BRD10: variants seen among roughly 807,000 people sequenced by gnomAD.
BRD10 encodes uncharacterized bromodomain-containing protein 10.
chr9:5,883,154 A>AT, the BRD10 span, among the ~76,000 whole-genome samples: 3 of 82,964 alleles, frequency 3.6e-5, no homozygotes, highest in African/African-American at 1.1e-4. Flanking sequence ...AACTTAAAGT[A>AT]TAAAAAAAAA....
the BRD10 span, among the ~76,000 whole-genome samples, chr9:5,974,611 G>C: frequency 2.6e-5 from 4 of 152,192 alleles, no homozygotes; most frequent in African/African-American, 9.6e-5. Flanking sequence ...AAGGAGCCAA[G>C]AGTCCAGAGA....
chr9:5,991,040 A>C, the BRD10 span, among the ~76,000 whole-genome samples: 1 of 152,212 alleles, frequency 6.6e-6, no homozygotes, highest in Non-Finnish European at 1.5e-5. Context: ...CATTAAAACG[A>C]ATCAAGTATA....
At chr9:5,920,488 T>C in the BRD10 span, 3 of 1,613,922 alleles carry the variant, frequency 1.9e-6, no homozygotes, top group Non-Finnish European at 2.5e-6. Flanking sequence ...TGGGGGTTTT[T>C]ACTAAAGCTT....
chr9:5,977,000 A>G, the BRD10 span, among the ~76,000 whole-genome samples: 1 of 152,240 alleles, frequency 6.6e-6, no homozygotes, highest in Admixed American at 6.5e-5. Context: ...GGCCAATATA[A>G]AGATTGGTGA....
the BRD10 span, among the ~76,000 whole-genome samples, chr9:5,983,551 A>G: frequency 6.6e-6 from 1 of 152,176 alleles, no homozygotes; most frequent in Non-Finnish European, 1.5e-5. Context: ...AATGAGAGAA[A>G]TGAAGATATA....
chr9:5,947,424 C>T, the BRD10 span, among the ~76,000 whole-genome samples: 1 of 152,026 alleles, frequency 6.6e-6, no homozygotes, highest in East Asian at 1.9e-4. Context: ...TATGAAAATA[C>T]AAGATTAATT....
At chr9:5,922,521 T>C in the BRD10 span, 1 of 1,614,010 alleles carries the variant, frequency 6.2e-7, no homozygotes, top group African/African-American at 1.3e-5. Context: ...GTAGAAACAG[T>C]TCCTGGTGAG....
At chr9:5,967,950 T>TTATGCATCATG in the BRD10 span, 1 of 938,574 alleles carries the variant, frequency 1.1e-6, no homozygotes, top group Non-Finnish European at 1.6e-6. Context: ...AAAGCATCCA[T>TTATGCATCATG]GATGCATAAT....
the BRD10 span, among the ~76,000 whole-genome samples, chr9:6,000,433 TC>T: frequency 4.6e-5 from 7 of 152,180 alleles, no homozygotes; most frequent in Admixed American, 4.6e-4. Flanking sequence ...AGCCTAAAGA[TC>T]ATCTGAAAGC....
chr9:5,896,256 A>C, the BRD10 span, among the ~76,000 whole-genome samples: 82 of 152,332 alleles, frequency 5.4e-4, no homozygotes, highest in African/African-American at 1.9e-3. Context: ...ATAAAAGCAT[A>C]TATGTGGGGG....
the BRD10 span, chr9:5,920,918 G>A: frequency 3.7e-6 from 6 of 1,613,974 alleles, no homozygotes; most frequent in South Asian, 1.1e-5. Flanking sequence ...TGACAAAATA[G>A]GCATAATTCT....
At chr9:5,982,452 T>C in the BRD10 span, among the ~76,000 whole-genome samples, 6 of 152,188 alleles carry the variant, frequency 3.9e-5, no homozygotes, top group South Asian at 2.1e-4. Context: ...CAAGAGGTTA[T>C]TGGGTCATGA....
At chr9:5,988,492 A>C in the BRD10 span, 1 of 1,613,964 alleles carries the variant, frequency 6.2e-7, no homozygotes, top group Non-Finnish European at 8.5e-7. Flanking sequence ...CTCATCCTCC[A>C]ATCCATAATA....
At chr9:5,952,556 A>C in the BRD10 span, among the ~76,000 whole-genome samples, 1 of 152,242 alleles carries the variant, frequency 6.6e-6, no homozygotes, top group East Asian at 1.9e-4. Flanking sequence ...AACACTGGTC[A>C]TGCAATCTGC....
chr9:6,002,708 C>G, the BRD10 span, among the ~76,000 whole-genome samples: 1 of 142,334 alleles, frequency 7.0e-6, no homozygotes, highest in Non-Finnish European at 1.5e-5. Context: ...TTTTTTTCCA[C>G]TCTTATCACC....
chr9:5,900,316 T>A, the BRD10 span, among the ~76,000 whole-genome samples: 37 of 152,280 alleles, frequency 2.4e-4, 1 homozygote, highest in East Asian at 6.9e-3. Context: ...TTCTGAGACT[T>A]TTTATTGAGA....
chr9:5,906,259 C>T, the BRD10 span, among the ~76,000 whole-genome samples: 6 of 148,404 alleles, frequency 4.0e-5, no homozygotes, highest in Middle Eastern at 3.2e-3. Context: ...GAACCCAGGA[C>T]GCAGAGGTTG....
the BRD10 span, chr9:5,922,076 G>C: frequency 7.2e-5 from 117 of 1,613,894 alleles, no homozygotes; most frequent in Non-Finnish European, 9.2e-5. Context: ...TGAACTTGAA[G>C]ATACAGTATT....
chr9:5,912,727 G>C, the BRD10 span, among the ~76,000 whole-genome samples: 1 of 152,144 alleles, frequency 6.6e-6, no homozygotes, highest in Non-Finnish European at 1.5e-5. Flanking sequence ...GGGCACAGGA[G>C]TCCTCTACTG....
Sources: allele counts gnomAD v4.1 joint callset (sites outside exome capture counted in the v4.1 genomes callset), GRCh38; gene constraint gnomAD v4.1.1; transcripts MANE v1.5; gene names NCBI Gene and HGNC (gene_info 2026-07-23, HGNC 2026-07-21).